The following ZNF823 variants were observed in gnomAD, a reference collection of about 807,000 sequenced individuals.
ZNF823 encodes ZFP 36 for a zinc finger protein.
A neutral mutation model predicts 11.4 loss-of-function variants in ZNF823; 5 were observed. The ratio of observed to expected loss-of-function variants is 0.44; its 90% CI spans 0.23 to 0.92. ZNF823 has a LOEUF of 0.92. Among genes scored for constraint, ZNF823 ranks in the 40% least tolerant of loss-of-function variants. ZNF823 has a pLI of 0.24. For synonymous variants in ZNF823, 234 were observed against 250.5 expected (o/e 0.93, Z 0.62); for missense variants, 582 against 738.5 (o/e 0.79, Z 2.46).
rs190874845 is a variant in ZNF823 at position 11,724,323 on chromosome 19, G to A, written c.131-69C>T. The A allele has an allele frequency of 6.0e-4, 834 of 1,391,372 alleles. 5 individuals carry two copies. The highest frequency in any genetic ancestry group is 2.3e-4 in the Non-Finnish European group (236 of 1,016,588). The allele number at this position is 1,391,372 out of a possible 1,614,324, so 86.2% of individuals were successfully genotyped here. A position where few individuals can be genotyped will look rare whatever the true frequency, so the allele number is the denominator to read the frequency against. ...TTATAGAAAAACTCTAAGATTTTAC[G>A]CGTACTGCAATCATGCATGATTCAT... is the stretch of plus-strand genomic sequence containing the variant. On this transcript the variant is annotated intron_variant, in intron 2 of 3. Coordinates refer to ENST00000341191, the MANE Select transcript of ZNF823 (RefSeq NM_001080493.4).
chr19:11,721,659 T>C lies in ZNF823; in HGVS notation c.*42A>G. The C allele has an allele frequency of 6.5e-7, 1 of 1,541,682 alleles. No homozygotes were observed. The highest frequency in any genetic ancestry group is 8.7e-7 in the Non-Finnish European group (1 of 1,144,150). On this transcript the variant is annotated 3_prime_UTR_variant, in exon 4 of 4. Coordinates refer to ENST00000341191, the MANE Select transcript of ZNF823 (RefSeq NM_001080493.4). ...TCTCCAAAGTGAGTTCTTTCAAGTT[T>C]CTGAAATTAAAGTACTGAATGTTTT...
rs143170648 is a variant in ZNF823, at chr19:11,731,591, A to T, written c.4-6264T>A. 3.0e-3 allele frequency among the ~76,000 whole-genome samples: 453 copies of T among 152,300 alleles called. 1 individual carries two copies. Among genetic ancestry groups the T allele is most frequent in the African/African-American group, 1.0e-2 (415 of 41,552 alleles). On this transcript the variant is annotated intron_variant, in intron 1 of 3. Coordinates refer to ENST00000341191, the MANE Select transcript of ZNF823 (RefSeq NM_001080493.4). ...ACCACCCAGAATTAACACAGATCCC[A>T]TAAGTTTCTTGCTAGAGGGCTCAGT...
At position 11,738,919 on chromosome 19, in the gene ZNF823, C is replaced by G; in HGVS notation, c.-100G>C. 3 of 1,464,706 alleles carry G rather than the reference C, an allele frequency of 2.0e-6. No individual in the cohort carries two copies. Among genetic ancestry groups the G allele is most frequent in the South Asian group, 1.3e-5 (1 of 75,158 alleles). The allele number at this position is 1,464,706 out of a possible 1,614,324, so 90.7% of individuals were successfully genotyped here. On this transcript the variant is annotated 5_prime_UTR_variant, in exon 1 of 4. Transcript: ENST00000341191. ...ACCTTCCAGGGCGTCTCTCTCTCAG[C>G]GCCAGAGCCAGGACTCAGAGCGCAG...
chr19:11,735,004 G>A (rs981160432), intron 1 of ZNF823, among the ~76,000 whole-genome samples: 2 of 152,082 alleles, frequency 1.3e-5, no homozygotes, highest in African/African-American at 4.8e-5. Flanking sequence ...GCTGGGCATG[G>A]TGGCTTATTC....
intron 1 of ZNF823, among the ~76,000 whole-genome samples, chr19:11,733,612 T>C (rs1974943810): frequency 6.6e-6 from 1 of 152,048 alleles, no homozygotes; most frequent in Admixed American, 6.6e-5. Flanking sequence ...GGCAAAAAGA[T>C]TGTTTGAGCC....
rs1974906308 is a variant in ZNF823 at position 11,732,039 on chromosome 19, ATAAC to A, written c.4-6716_4-6713del. On this transcript the variant is annotated intron_variant, in intron 1 of 3. Coordinates refer to ENST00000341191, the MANE Select transcript of ZNF823 (RefSeq NM_001080493.4). Reference sequence around the variant, plus strand: ...AAAAAAAAAAAAAAAATTGGCTAAAATAACTCATGAAACTCAGCAAAACACTAGT... The same window carrying A: ...AAAAAAAAAAAAAAAATTGGCTAAAATCATGAAACTCAGCAAAACACTAGT... Among the ~76,000 whole-genome samples the A allele has an allele frequency of 2.0e-5, 3 of 152,154 alleles. No individual in the cohort carries two copies. In the South Asian group the frequency reaches 6.2e-4, roughly 32 times the overall value.
At chr19:11,736,004 T>TCTATGCTTTAGACTTGACC (rs1342770712) in intron 1 of ZNF823, among the ~76,000 whole-genome samples, 1,706 of 152,296 alleles carry the variant, frequency 0.011, 22 homozygotes, top group African/African-American at 0.039. Flanking sequence ...GTCTGTCAAG[T>TCTATGCTTTAGACTTGACC]CCACATAACA....
In ZNF823 at chr19:11,722,057, G is replaced by A. The variant is rs1974692614; in HGVS notation, c.1477C>T (p.His493Tyr). The A allele has an allele frequency of 6.2e-7, 1 of 1,612,672 alleles. No individual in the cohort carries two copies. The highest frequency in any genetic ancestry group is 1.7e-4 in the Middle Eastern group (1 of 6,052). ...FKYLSQHKRT[H>Y]TVEKPYECKT... ...CACTCATAAGGTTTTTCTACTGTGT[G>A]GGTCCTTTTATGTTGAGAAAGGTAT... The change falls in exon 4 of 4, where the codon CAC becomes TAC. Residue 493 changes from histidine (H) to tyrosine (Y), a missense_variant. Transcript: ENST00000341191. The surrounding 1 kb of genome is among the most constrained non-coding windows in gnomAD (Gnocchi z 5.2).
intron 1 of ZNF823, among the ~76,000 whole-genome samples, chr19:11,729,206 C>T (rs549112290): frequency 1.3e-4 from 19 of 151,438 alleles, no homozygotes; most frequent in Non-Finnish European, 2.8e-4. Flanking sequence ...TAAAACAAGG[C>T]CCAGCAATGT....
In ZNF823 at chr19:11,721,814, C is replaced by A; in HGVS notation, c.1720G>T (p.Glu574Ter). Residue 574 changes from glutamate (E) to a stop codon, truncating the protein, a stop_gained, in exon 4 of 4, where the codon GAA (glutamate) becomes TAA (stop). Transcript: ENST00000341191. LOFTEE classifies it low-confidence loss of function (END_TRUNC). Reference sequence around the variant, plus strand: ...AGCTTCTCTCCAGTGTGAGTTTTTTCATGTCCTCGAAGGAAACGGGAACGA... The same window carrying A: ...AGCTTCTCTCCAGTGTGAGTTTTTTAATGTCCTCGAAGGAAACGGGAACGA... The part of the protein sequence containing the change: ...FTRSRFLRGH[E>*]KTHTGEKLYE... The A allele has an allele frequency of 1.2e-5, 19 of 1,614,138 alleles. No homozygotes were observed. The highest frequency in any genetic ancestry group is 1.5e-5 in the Non-Finnish European group (18 of 1,180,010).
chr19:11,736,162 T>G (rs6511746), intron 1 of ZNF823, among the ~76,000 whole-genome samples: 1 of 152,026 alleles, frequency 6.6e-6, no homozygotes, highest in Non-Finnish European at 1.5e-5. Context: ...AAAGGAAAAG[T>G]TTTTCCCAAT....
Position 11,722,450 on chromosome 19 carries a change from A to T in ZNF823, c.1084T>A (p.Cys362Ser). Reference sequence around the variant, plus strand: ...GATAACACTTTCCCACACTGCTTACATTCATAGGGTTTCTCTCCAGTGTGA... The same window carrying T: ...GATAACACTTTCCCACACTGCTTACTTTCATAGGGTTTCTCTCCAGTGTGA... ...TTHTGEKPYE[C>S]KQCGKVLSHS... The change falls in exon 4 of 4, where the codon TGT (cysteine) becomes AGT (serine). Residue 362 changes from cysteine (C) to serine (S), a missense_variant. By Grantham distance (112) the Cys-to-Ser change is moderately radical (BLOSUM62 -1). Around this residue, in one of 3 missense-constraint regions of ZNF823, gnomAD observed 429 missense variants for 553.7 expected, o/e 0.77. Coordinates refer to ENST00000341191, the MANE Select transcript of ZNF823 (RefSeq NM_001080493.4). The surrounding 1 kb of genome is among the most constrained non-coding windows in gnomAD (Gnocchi z 5.2). The T allele has an allele frequency of 6.2e-7, 1 of 1,614,200 alleles. No individual in the cohort carries two copies. Among genetic ancestry groups the T allele is most frequent in the Non-Finnish European group, 8.5e-7 (1 of 1,180,036 alleles).
intron 1 of ZNF823, among the ~76,000 whole-genome samples, chr19:11,735,485 A>G (rs185768501): frequency 4.5e-4 from 68 of 152,162 alleles, no homozygotes; most frequent in African/African-American, 1.5e-3. Context: ...ATCACACCAC[A>G]TGTCTCTGCC....
chr19:11,731,351 T>C (rs2145215948), intron 1 of ZNF823, among the ~76,000 whole-genome samples: 1 of 152,194 alleles, frequency 6.6e-6, no homozygotes, highest in Non-Finnish European at 1.5e-5. Context: ...ATCATATTAA[T>C]GGAATATTAA....
rs116030210 is a variant in ZNF823 at position 11,728,410 on chromosome 19, T to C, written c.4-3083A>G. 3.5e-3 allele frequency among the ~76,000 whole-genome samples: 526 copies of C among 152,316 alleles called. 6 individuals are homozygous for C. The highest frequency in any genetic ancestry group is 0.012 in the African/African-American group (502 of 41,572). Reference sequence around the variant, plus strand: ...CAGGTATATTATGGCATACTTTTCTTATACTACCTGATCTAACAGATACAA... The same window carrying C: ...CAGGTATATTATGGCATACTTTTCTCATACTACCTGATCTAACAGATACAA... On this transcript the variant is annotated intron_variant, in intron 1 of 3. Coordinates refer to ENST00000341191, the MANE Select transcript of ZNF823 (RefSeq NM_001080493.4).
rs371942526 is a variant in ZNF823, at chr19:11,722,217, A to G, written c.1317T>C (p.Thr439=). The change falls in exon 4 of 4, where the codon ACT becomes ACC. Residue 439 remains threonine, a synonymous_variant. Coordinates refer to ENST00000341191, the MANE Select transcript of ZNF823 (RefSeq NM_001080493.4). This position sits in a 1 kb window ranked among gnomAD's most constrained non-coding sequence, Gnocchi z 5.2. ...ACTGACATTTATAGGGTTTCACTCC[A>G]GTGTGAGTTGCTTCATGTCTTCGAA... is the stretch of plus-strand genomic sequence containing the variant. ...GSLRRHEATH[T]GVKPYKCQCG... 511 of 1,614,036 alleles carry G rather than the reference A, an allele frequency of 3.2e-4. 1 individual carries two copies. The African/African-American group carries it at 5.9e-3, about 19-fold the overall frequency.
intron 1 of ZNF823, among the ~76,000 whole-genome samples, chr19:11,737,781 TG>T (rs1009665881): frequency 2.6e-5 from 4 of 152,104 alleles, no homozygotes; most frequent in African/African-American, 9.7e-5. Flanking sequence ...ACAGTTAGCC[TG>T]GGGAAGGCTC....
At position 11,721,649 on chromosome 19, in the gene ZNF823, C is replaced by A. The variant is rs1599696863; in HGVS notation, c.*52G>T. The A allele has an allele frequency of 5.2e-6, 8 of 1,525,508 alleles. No homozygotes were observed. In the East Asian group the frequency reaches 1.6e-4, roughly 30 times the overall value. The allele number at this position is 1,525,508 out of a possible 1,614,324, so 94.5% of individuals were successfully genotyped here. On this transcript the variant is annotated 3_prime_UTR_variant, in exon 4 of 4. Transcript: ENST00000341191. The stretch of plus-strand genomic sequence containing the variant: ...ATAGGGTCTATCTCCAAAGTGAGTT[C>A]TTTCAAGTTTCTGAAATTAAAGTAC...
Position 11,723,146 on chromosome 19 carries a change from C to A in ZNF823, c.388G>T (p.Glu130Ter). Residue 130 changes from glutamate (E) to a stop codon, truncating the protein, a stop_gained, in exon 4 of 4, where the codon GAA (glutamate) becomes TAA (stop). Transcript: ENST00000341191. LOFTEE classifies it low-confidence loss of function (END_TRUNC). ...DTGHKSCEHQEYGEKPYTHKQ... is the reference protein window; with the variant it reads ...DTGHKSCEHQ ...TGTGTATATGGCTTCTCTCCATATT[C>A]CTGATGCTCACATGATTTGTGTCCA... The A allele has an allele frequency of 6.2e-7, 1 of 1,614,142 alleles. No homozygotes were observed. The highest frequency in any genetic ancestry group is 1.1e-5 in the South Asian group (1 of 91,086).
Sources: gnomAD v4.1 joint callset for allele counts (sites outside exome capture counted in the v4.1 genomes callset) on GRCh38, gnomAD v4.1.1 for gene constraint, gnomAD v4.1.1 regional missense constraint, Gnocchi (gnomAD v3.1) non-coding constraint, MANE v1.5 for transcripts, NCBI Gene and HGNC (gene_info 2026-07-23, HGNC 2026-07-21) for gene names.